The following STX18 variants were observed in gnomAD, a reference collection of about 807,000 sequenced individuals.
STX18 encodes syntaxin-18.
STX18 carries 40 observed loss-of-function variants against 50.1 expected under a neutral mutation model. That is an observed-to-expected ratio of 0.80 (90% CI 0.62 to 1.04). The LOEUF is 1.04. Among genes scored for constraint, STX18 ranks in the 50% least tolerant of loss-of-function variants. STX18 has a pLI of 0.00. For missense variants in STX18, 410 were observed against 415.8 expected (o/e 0.99, Z 0.12); for synonymous variants, 158 against 151.8 (o/e 1.04, Z -0.30).
At chr4:4,522,009 T>A (rs2108907371) in intron 1 of STX18, among the ~76,000 whole-genome samples, 1 of 152,312 alleles carries the variant, frequency 6.6e-6, no homozygotes, top group African/African-American at 2.4e-5. Flanking sequence ...TTAAACAATA[T>A]CTACTGTACA....
At chr4:4,458,060 G>A (rs1372366848) in intron 3 of STX18, among the ~76,000 whole-genome samples, 1 of 152,170 alleles carries the variant, frequency 6.6e-6, no homozygotes, top group Non-Finnish European at 1.5e-5. Context: ...TAAAGTCTGT[G>A]CCACTGGTTT....
chr4:4,431,380 T>G (rs1725510330), intron 7 of STX18, among the ~76,000 whole-genome samples: 1 of 152,190 alleles, frequency 6.6e-6, no homozygotes, highest in African/African-American at 2.4e-5. Flanking sequence ...TAAGAGATTT[T>G]TAAGAAACTT....
At position 4,423,553 on chromosome 4, in the gene STX18, G is replaced by T; in HGVS notation, c.796C>A (p.Leu266Ile). 6.2e-7 allele frequency: 1 copy of T among 1,614,188 alleles called. No homozygotes were observed. The highest frequency in any genetic ancestry group is 8.5e-7 in the Non-Finnish European group (1 of 1,180,042). The change falls in exon 9 of 11, where the codon CTC becomes ATC. Residue 266 changes from leucine (L) to isoleucine (I), a missense_variant. Coordinates refer to ENST00000306200, the MANE Select transcript of STX18 (RefSeq NM_016930.4). ...ACCTTTTCCGTGAATATCTCTTGGA[G>T]TCTGGAAATCTCAACCACTCTCCCT... ...IEGRVVEISR[L>I]QEIFTEKVLQ...
chr4:4,450,904 T>C (rs1386387179), intron 5 of STX18, among the ~76,000 whole-genome samples: 1 of 152,238 alleles, frequency 6.6e-6, no homozygotes, highest in Non-Finnish European at 1.5e-5. Flanking sequence ...GTCCAGAGGA[T>C]GCTAATGTAC....
At chr4:4,485,264 CTG>C (rs1458553901) in intron 1 of STX18, among the ~76,000 whole-genome samples, 27 of 152,234 alleles carry the variant, frequency 1.8e-4, no homozygotes, top group African/African-American at 6.0e-4. Flanking sequence ...GAGTCTGACA[CTG>C]TGTCTGGCAC....
At chr4:4,524,433 T>C (rs994413713) in intron 1 of STX18, among the ~76,000 whole-genome samples, 1 of 152,226 alleles carries the variant, frequency 6.6e-6, no homozygotes, top group Non-Finnish European at 1.5e-5. Flanking sequence ...CTAGGCAGTA[T>C]ATCCTTTTAG....
intron 1 of STX18, among the ~76,000 whole-genome samples, chr4:4,487,107 C>T (rs1246203583): frequency 6.6e-6 from 1 of 152,092 alleles, no homozygotes; most frequent in East Asian, 1.9e-4. Flanking sequence ...ATTGTAAACA[C>T]TGTTCAACAC....
intron 5 of STX18, among the ~76,000 whole-genome samples, chr4:4,440,155 G>C (rs1034989068): frequency 6.6e-6 from 1 of 152,130 alleles, no homozygotes; most frequent in Non-Finnish European, 1.5e-5. Context: ...AAAATTATAG[G>C]CAGAGTGCTA....
Position 4,542,037 on chromosome 4 carries a change from CGCTGAAG to C in STX18, c.-80_-74del. On this transcript the variant is annotated 5_prime_UTR_variant, in exon 1 of 11. Transcript: ENST00000306200. ...CCGGCGACCGCGGCGCGAACCCGGC[CGCTGAAG>C]GACTGGTCCTGCCCCACACGCCTCC... The C allele has an allele frequency of 6.8e-7, 1 of 1,460,832 alleles. No individual in the cohort carries two copies. Among genetic ancestry groups the C allele is most frequent in the African/African-American group, 1.5e-5 (1 of 68,808 alleles). 90.5% of individuals were successfully genotyped at this position (1,460,832 alleles called of 1,614,324 possible).
chr4:4,429,769 G>A (rs1237068307), intron 7 of STX18, among the ~76,000 whole-genome samples: 1 of 152,154 alleles, frequency 6.6e-6, no homozygotes, highest in African/African-American at 2.4e-5. Flanking sequence ...TCACTATGTG[G>A]TATTCAGATT....
intron 1 of STX18, among the ~76,000 whole-genome samples, chr4:4,530,590 G>A (rs1242076436): frequency 6.6e-6 from 1 of 151,770 alleles, no homozygotes; most frequent in East Asian, 1.9e-4. Context: ...AAGGCTTTGT[G>A]AAAAAAAGAA....
intron 8 of STX18, among the ~76,000 whole-genome samples, chr4:4,424,191 G>C (rs936758416): frequency 3.3e-5 from 5 of 152,118 alleles, no homozygotes; most frequent in African/African-American, 7.2e-5. Context: ...TGGTGTCAGG[G>C]GCAGCATGGG....
intron 1 of STX18, chr4:4,507,663 AG>A: frequency 2.5e-6 from 2 of 795,544 alleles, no homozygotes; most frequent in Non-Finnish European, 2.3e-6. Flanking sequence ...CGGCTCATAA[AG>A]GTTCGTTTGG....
chr4:4,458,079 T>C (rs1368304341), intron 3 of STX18, among the ~76,000 whole-genome samples: 5 of 152,230 alleles, frequency 3.3e-5, no homozygotes, highest in South Asian at 2.1e-4. Context: ...TTTGGTAAGA[T>C]AGTGACCACT....
chr4:4,507,836 A>G (rs1729798044), intron 1 of STX18: 1 of 669,234 alleles, frequency 1.5e-6, no homozygotes, highest in East Asian at 2.9e-5. Context: ...AAAAAAAAAA[A>G]AGTTAAAAAG....
intron 6 of STX18, among the ~76,000 whole-genome samples, chr4:4,436,759 C>G (rs1725798057): frequency 6.6e-6 from 1 of 152,122 alleles, no homozygotes; most frequent in Non-Finnish European, 1.5e-5. Flanking sequence ...ATTCAAGGCC[C>G]TACCCACCCT....
At chr4:4,444,125 T>A (rs1726263168) in intron 5 of STX18, among the ~76,000 whole-genome samples, 1 of 152,206 alleles carries the variant, frequency 6.6e-6, no homozygotes, top group Admixed American at 6.5e-5. Flanking sequence ...ATTTAAGTAA[T>A]GAGGGCTGCC....
intron 1 of STX18, among the ~76,000 whole-genome samples, chr4:4,527,790 T>TTA (rs58884437): frequency 0.032 from 4,637 of 145,004 alleles, 250 homozygotes; most frequent in African/African-American, 0.11. Flanking sequence ...ATATATAATT[T>TTA]TATATATATA....
intron 1 of STX18, among the ~76,000 whole-genome samples, chr4:4,497,276 A>G (rs1225386039): frequency 6.6e-6 from 1 of 152,220 alleles, no homozygotes; most frequent in East Asian, 1.9e-4. Flanking sequence ...TTACTGGACA[A>G]TATGCCAAGG....
Sources: allele counts gnomAD v4.1 joint callset (sites outside exome capture counted in the v4.1 genomes callset), GRCh38; gene constraint gnomAD v4.1.1; transcripts MANE v1.5; gene names NCBI Gene and HGNC (gene_info 2026-07-23, HGNC 2026-07-21).